Variants in ALOX5AP observed in about 807,000 individuals in gnomAD.
The protein encoded by ALOX5AP is arachidonate 5-lipoxygenase-activating protein.
A neutral mutation model predicts 18.5 loss-of-function variants in ALOX5AP; 9 were observed. That is an observed-to-expected ratio of 0.49 (90% CI 0.29 to 0.85). ALOX5AP has a LOEUF of 0.85. Among genes scored for constraint, ALOX5AP ranks in the 40% least tolerant of loss-of-function variants. The pLI is 0.08. For synonymous variants in ALOX5AP, 81 were observed against 78.6 expected (o/e 1.03, Z -0.16); for missense variants, 172 against 202.5 (o/e 0.85, Z 0.91).
chr13:30,749,435 C>T (rs17245197), intron 2 of ALOX5AP, among the ~76,000 whole-genome samples: 2 of 151,812 alleles, frequency 1.3e-5, no homozygotes, highest in Non-Finnish European at 2.9e-5. Flanking sequence ...TTCGAATAAC[C>T]AAAAAAGGAA....
chr13:30,763,380 C>T (rs1951960214), intron 4 of ALOX5AP, among the ~76,000 whole-genome samples: 1 of 152,210 alleles, frequency 6.6e-6, no homozygotes, highest in Admixed American at 6.5e-5. Flanking sequence ...ATGCAAGGGC[C>T]TGTCTCCCAT....
upstream of ALOX5AP, among the ~76,000 whole-genome samples, chr13:30,733,394 TGTAA>T (rs1951697077): frequency 6.6e-6 from 1 of 152,230 alleles, no homozygotes; most frequent in African/African-American, 2.4e-5. Flanking sequence ...GTCACTAAGA[TGTAA>T]GTGTTAGAAG....
chr13:30,727,145 C>T (rs1177199145), intron 1 of ALOX5AP, among the ~76,000 whole-genome samples: 2 of 151,986 alleles, frequency 1.3e-5, no homozygotes, highest in Non-Finnish European at 2.9e-5. Context: ...CCTCTGCCTC[C>T]CGGGTTCAAG....
intron 1 of ALOX5AP, among the ~76,000 whole-genome samples, chr13:30,721,165 G>T (rs1951590521): frequency 6.6e-6 from 1 of 152,132 alleles, no homozygotes; most frequent in Non-Finnish European, 1.5e-5. Flanking sequence ...TTTATCAGGA[G>T]GCCATAGGAG....
At chr13:30,753,173 T>C (rs888401180) in intron 3 of ALOX5AP, among the ~76,000 whole-genome samples, 14 of 152,042 alleles carry the variant, frequency 9.2e-5, no homozygotes, top group Admixed American at 3.3e-4. Context: ...AAGCGCCATA[T>C]GGGAAGAGAA....
At chr13:30,737,215 T>C (rs896818447) in intron 1 of ALOX5AP, among the ~76,000 whole-genome samples, 1 of 152,208 alleles carries the variant, frequency 6.6e-6, no homozygotes, top group Non-Finnish European at 1.5e-5. Context: ...GCTACGAAGT[T>C]TGAGCTCACT....
chr13:30,721,688 T>G (rs986870024), intron 1 of ALOX5AP, among the ~76,000 whole-genome samples: 3 of 152,186 alleles, frequency 2.0e-5, no homozygotes, highest in Non-Finnish European at 4.4e-5. Context: ...TTTGTGAGAC[T>G]CCTCCTCTTA....
chr13:30,730,056 T>C (rs1039421968), intron 1 of ALOX5AP, among the ~76,000 whole-genome samples: 1 of 152,252 alleles, frequency 6.6e-6, no homozygotes, highest in Non-Finnish European at 1.5e-5. Flanking sequence ...TGAATGGCTA[T>C]GGACTTTGTC....
upstream of ALOX5AP, among the ~76,000 whole-genome samples, chr13:30,733,796 C>G (rs1951699933): frequency 6.6e-6 from 1 of 152,162 alleles, no homozygotes; most frequent in South Asian, 2.1e-4. Flanking sequence ...TTGAGCTGGG[C>G]CATCCATCTT....
intron 1 of ALOX5AP, among the ~76,000 whole-genome samples, chr13:30,739,325 C>A (rs376691639): frequency 5.3e-5 from 8 of 152,248 alleles, no homozygotes; most frequent in African/African-American, 1.7e-4. Flanking sequence ...GTAGGCTGAC[C>A]TTTCCTTCAC....
chr13:30,727,136 C>T (rs1364537394), intron 1 of ALOX5AP, among the ~76,000 whole-genome samples: 2 of 151,726 alleles, frequency 1.3e-5, no homozygotes, highest in Non-Finnish European at 2.9e-5. Context: ...TCACTACAAC[C>T]TCTGCCTCCC....
chr13:30,745,891 G>A (rs1951805325), intron 2 of ALOX5AP, among the ~76,000 whole-genome samples: 1 of 152,232 alleles, frequency 6.6e-6, no homozygotes, highest in Non-Finnish European at 1.5e-5. Context: ...TCTGCCAGGT[G>A]ACTGCATTCT....
intron 1 of ALOX5AP, among the ~76,000 whole-genome samples, chr13:30,720,809 T>G (rs1283635314): frequency 6.6e-6 from 1 of 152,240 alleles, no homozygotes; most frequent in Non-Finnish European, 1.5e-5. Flanking sequence ...GCAAAATTTT[T>G]GTCAATAAAA....
chr13:30,713,587 C>T (rs1206884718), exon 1 of ALOX5AP: 1 of 651,870 alleles, frequency 1.5e-6, no homozygotes, highest in Non-Finnish European at 2.7e-6. Flanking sequence ...GATTCCTGCA[C>T]CCCACCTTTG....
intron 1 of ALOX5AP, among the ~76,000 whole-genome samples, chr13:30,741,230 C>T (rs12017304): frequency 0.29 from 42,051 of 146,500 alleles, 6,572 homozygotes; most frequent in African/African-American, 0.42. Context: ...TCATGCCATT[C>T]TCCTGCCTCA....
chr13:30,741,831 G>GTTTTTTTTT (rs770976174), intron 1 of ALOX5AP, among the ~76,000 whole-genome samples: 3 of 133,940 alleles, frequency 2.2e-5, no homozygotes, highest in Non-Finnish European at 3.1e-5. Context: ...ATGGTTTTCT[G>GTTTTTTTTT]TTTTTTTTTT....
chr13:30,720,238 C>T (rs1014290254), intron 1 of ALOX5AP, among the ~76,000 whole-genome samples: 5 of 152,150 alleles, frequency 3.3e-5, no homozygotes, highest in Admixed American at 2.0e-4. Context: ...TAATATGATA[C>T]GCTGTCGGAT....
chr13:30,731,040 G>A (rs984659287), upstream of ALOX5AP, among the ~76,000 whole-genome samples: 4 of 152,182 alleles, frequency 2.6e-5, no homozygotes, highest in Non-Finnish European at 5.9e-5. Flanking sequence ...GGAGAGGGGT[G>A]GGCTCGCAGC....
At chr13:30,725,456 C>T (rs1951631993) in intron 1 of ALOX5AP, among the ~76,000 whole-genome samples, 1 of 152,216 alleles carries the variant, frequency 6.6e-6, no homozygotes, top group Non-Finnish European at 1.5e-5. Flanking sequence ...GGGGGCAGGG[C>T]TATGTATGGA....
Sources: gnomAD v4.1 joint callset for allele counts (sites outside exome capture counted in the v4.1 genomes callset) on GRCh38, gnomAD v4.1.1 for gene constraint, MANE v1.5 for transcripts, NCBI Gene and HGNC (gene_info 2026-07-23, HGNC 2026-07-21) for gene names.